Variants in EPB41 observed in about 807,000 individuals in gnomAD.
EPB41 encodes erythrocyte membrane protein band 4.1, also known as protein 4.1.
A neutral mutation model predicts 108.0 loss-of-function variants in EPB41; 65 were observed. That is an observed-to-expected ratio of 0.60 (90% CI 0.49 to 0.74). EPB41 has a LOEUF of 0.74. EPB41 is among the 30% of genes least tolerant of loss of function. The pLI, the probability that EPB41 is intolerant of heterozygous loss-of-function variation, is 0.00. For synonymous variants in EPB41, 336 were observed against 358.9 expected, an observed-to-expected ratio of 0.94 and a Z score of 0.72; for missense variants, 875 against 1,037.0, an observed-to-expected ratio of 0.84 and a Z score of 2.15.
At chr1:29,095,040 A>G (rs1454423993) in intron 16 of EPB41, among the ~76,000 whole-genome samples, 1 of 152,262 alleles carries the variant, frequency 6.6e-6, no homozygotes, top group Admixed American at 6.5e-5. Flanking sequence ...ATGACAAGAA[A>G]AAAGTCTGTA....
At chr1:28,973,749 C>T (rs1348761392) in intron 1 of EPB41, among the ~76,000 whole-genome samples, 1 of 152,056 alleles carries the variant, frequency 6.6e-6, no homozygotes, top group East Asian at 1.9e-4. Flanking sequence ...TGGTAAGGAC[C>T]TGAGAATTCA....
At chr1:29,000,347 G>A (rs765824988) in intron 4 of EPB41, among the ~76,000 whole-genome samples, 7 of 152,172 alleles carry the variant, frequency 4.6e-5, no homozygotes, top group Non-Finnish European at 1.0e-4. Flanking sequence ...CGATTCACCC[G>A]CCTTGGCCTC....
intron 1 of EPB41, among the ~76,000 whole-genome samples, chr1:28,932,281 C>A (rs2093788822): frequency 6.6e-6 from 1 of 152,098 alleles, no homozygotes; most frequent in African/African-American, 2.4e-5. Flanking sequence ...TGCCACCACA[C>A]CTGGCTAATT....
At chr1:29,103,988 T>C (rs1446296108) in intron 17 of EPB41, among the ~76,000 whole-genome samples, 1 of 152,204 alleles carries the variant, frequency 6.6e-6, no homozygotes, top group African/African-American at 2.4e-5. Flanking sequence ...TTATTACTTA[T>C]GCTAGACAGT....
intron 1 of EPB41, among the ~76,000 whole-genome samples, chr1:28,927,990 T>C (rs2093546971): frequency 6.6e-6 from 1 of 152,140 alleles, no homozygotes; most frequent in East Asian, 1.9e-4. Context: ...GGTGCTGCTT[T>C]CTTTTAATTT....
rs1177756247 is a variant in EPB41 at position 29,039,165 on chromosome 1, T to G, written c.1464-89T>G. ...TGGAAACCCTGAGAATTGTGAAACTTTTTTATTCTTGATTTTGTTTTTAAT... is the reference window on the plus strand; with the variant it reads ...TGGAAACCCTGAGAATTGTGAAACTGTTTTATTCTTGATTTTGTTTTTAAT... On this transcript the variant is annotated intron_variant, in intron 10 of 20. Coordinates refer to ENST00000343067, the MANE Select transcript of EPB41 (RefSeq NM_001376013.1). 9 of 1,425,480 alleles carry G rather than the reference T, an allele frequency of 6.3e-6. No individual in the cohort carries two copies. The African/African-American group carries it at 1.2e-4, about 18-fold the overall frequency. 88.3% of individuals were successfully genotyped at this position (1,425,480 alleles called of 1,614,324 possible). A position where few individuals can be genotyped will look rare whatever the true frequency, so the allele number is the denominator to read the frequency against.
intron 1 of EPB41, among the ~76,000 whole-genome samples, chr1:28,979,028 T>C (rs1262282782): frequency 6.6e-6 from 1 of 151,362 alleles, no homozygotes; most frequent in African/African-American, 2.5e-5. Context: ...TATATACATA[T>C]CCTATTGGTT....
intron 3 of EPB41, among the ~76,000 whole-genome samples, chr1:28,994,488 T>A (rs867732095): frequency 3.9e-5 from 6 of 151,982 alleles, no homozygotes; most frequent in African/African-American, 9.7e-5. Context: ...GTTGAAATTT[T>A]AAAAAAATCT....
At chr1:29,001,245 G>A (rs747620455) in intron 4 of EPB41, among the ~76,000 whole-genome samples, 2 of 152,142 alleles carry the variant, frequency 1.3e-5, no homozygotes, top group African/African-American at 4.8e-5. Flanking sequence ...CATGAGAATC[G>A]CTTGAACCCA....
At chr1:29,048,544 TA>T (rs1406313645) in intron 11 of EPB41, among the ~76,000 whole-genome samples, 1 of 152,120 alleles carries the variant, frequency 6.6e-6, no homozygotes, top group Admixed American at 6.6e-5. Context: ...TGAGCTTTTT[TA>T]AAAAAAATTC....
intron 16 of EPB41, chr1:29,070,314 C>A: frequency 8.4e-7 from 1 of 1,197,424 alleles, no homozygotes; most frequent in African/African-American, 1.6e-5. Context: ...TTCCATCTGT[C>A]ATTTTGTTCA....
Position 28,887,429 on chromosome 1 carries a change from TG to T in EPB41, c.-8+222del, listed in dbSNP as rs2089543586. 1 of 984,884 alleles carries T rather than the reference TG, an allele frequency of 1.0e-6. No individual in the cohort carries two copies. The highest frequency in any genetic ancestry group is 1.8e-5 in the African/African-American group (1 of 57,130). 61.0% of individuals were successfully genotyped at this position (984,884 alleles called of 1,614,324 possible). A position where few individuals can be genotyped will look rare whatever the true frequency, so the allele number is the denominator to read the frequency against. The stretch of plus-strand genomic sequence containing the variant: ...AAAGTTCAGGGTGCAGGGAGGGGCG[TG>T]GGAGTCTGGAGAGGGGGTCCGGGAG... On this transcript the variant is annotated intron_variant, in intron 1 of 16. Transcript: ENST00000347529. The surrounding 1 kb of genome is among the most constrained non-coding windows in gnomAD (Gnocchi z 4.9).
chr1:29,027,199 A>G (rs1375417560), intron 7 of EPB41, among the ~76,000 whole-genome samples: 1 of 152,102 alleles, frequency 6.6e-6, no homozygotes, highest in African/African-American at 2.4e-5. Context: ...TGCTATTTAC[A>G]GGTGTGATTG....
chr1:28,917,322 A>G (rs1270795619), intron 1 of EPB41, among the ~76,000 whole-genome samples: 1 of 150,136 alleles, frequency 6.7e-6, no homozygotes, highest in Non-Finnish European at 1.5e-5. Context: ...ACTCTGTCAC[A>G]CAGGCTGGAG....
chr1:28,966,051 C>G (rs541711491), intron 1 of EPB41, among the ~76,000 whole-genome samples: 1 of 151,856 alleles, frequency 6.6e-6, no homozygotes. Flanking sequence ...GGCATGGTGG[C>G]GGGAGCCTGT....
Position 28,923,988 on chromosome 1 carries a change from G to A in EPB41, c.-8+9220G>A, listed in dbSNP as rs575421960. On this transcript the variant is annotated intron_variant, in intron 1 of 20. Transcript: ENST00000343067. ...AAAAGTGATGGGATGTCACTTCTAA[G>A]ATTAGGTTATAAAATACTGTGGCTT... Among the ~76,000 whole-genome samples, 147 of 152,254 alleles carry A rather than the reference G, an allele frequency of 9.7e-4. 2 individuals carry two copies. In the South Asian group the frequency reaches 0.029, roughly 30 times the overall value.
intron 1 of EPB41, among the ~76,000 whole-genome samples, chr1:28,968,035 G>A (rs776237067): frequency 6.6e-6 from 1 of 151,888 alleles, no homozygotes; most frequent in Non-Finnish European, 1.5e-5. Flanking sequence ...CATTATTTTT[G>A]TAGATATTCC....
At chr1:29,057,845 G>A (rs1192644365) in intron 12 of EPB41, among the ~76,000 whole-genome samples, 1 of 152,188 alleles carries the variant, frequency 6.6e-6, no homozygotes, top group Non-Finnish European at 1.5e-5. Flanking sequence ...TATCAAGGAT[G>A]AATCTTGCCC....
At chr1:29,094,412 G>T (rs1005477241) in intron 16 of EPB41, among the ~76,000 whole-genome samples, 12 of 152,126 alleles carry the variant, frequency 7.9e-5, no homozygotes, top group African/African-American at 2.9e-4. Context: ...AAGTAGCTGG[G>T]ACTACAGGCA....
Sources: gnomAD v4.1 joint callset for allele counts (sites outside exome capture counted in the v4.1 genomes callset) on GRCh38, gnomAD v4.1.1 for gene constraint, Gnocchi (gnomAD v3.1) non-coding constraint, MANE v1.5 for transcripts, NCBI Gene and HGNC (gene_info 2026-07-23, HGNC 2026-07-21) for gene names.